CGNL1: variants seen among roughly 807,000 people sequenced by gnomAD.
CGNL1 encodes the protein cingulin like 1, also known as cingulin-like protein 1.
A neutral mutation model predicts 141.2 loss-of-function variants in CGNL1; 132 were observed. The observed-to-expected ratio is 0.93, with a 90% CI of 0.81 to 1.08. CGNL1 has a LOEUF of 1.08. Ranked by LOEUF, CGNL1 falls within the 50% of genes least tolerant of loss-of-function variation. The pLI, the probability that CGNL1 is intolerant of heterozygous loss-of-function variation, is 0.00. For missense variants in CGNL1, 1,870 were observed against 1,588.6 expected (o/e 1.18, Z -3.01); for synonymous variants, 690 against 622.1 (o/e 1.11, Z -1.63).
At chr15:57,494,390 G>A (rs2063907772) in intron 8 of CGNL1, among the ~76,000 whole-genome samples, 1 of 152,140 alleles carries the variant, frequency 6.6e-6, no homozygotes, top group Non-Finnish European at 1.5e-5. Flanking sequence ...TGGTTCTGTT[G>A]AAATCCAGGC....
At chr15:57,460,630 A>T (rs559661042) in intron 7 of CGNL1, among the ~76,000 whole-genome samples, 1 of 152,172 alleles carries the variant, frequency 6.6e-6, no homozygotes, top group Non-Finnish European at 1.5e-5. Flanking sequence ...AACAGGAGAG[A>T]GAGTGAGCAA....
At chr15:57,512,533 A>C (rs1478834013) in intron 8 of CGNL1, among the ~76,000 whole-genome samples, 1 of 152,182 alleles carries the variant, frequency 6.6e-6, no homozygotes, top group Non-Finnish European at 1.5e-5. Flanking sequence ...TAAGTGTCTC[A>C]ATACACACAA....
chr15:57,509,630 T>C (rs1389727895), intron 8 of CGNL1, among the ~76,000 whole-genome samples: 4 of 152,228 alleles, frequency 2.6e-5, no homozygotes, highest in African/African-American at 4.8e-5. Context: ...TGAACACTTC[T>C]AAATGTGGGT....
At chr15:57,510,442 TA>T (rs1279019064) in intron 8 of CGNL1, among the ~76,000 whole-genome samples, 1 of 152,170 alleles carries the variant, frequency 6.6e-6, no homozygotes, top group African/African-American at 2.4e-5. Context: ...TTTAGAAGTA[TA>T]AATGAGAATT....
intron 8 of CGNL1, among the ~76,000 whole-genome samples, chr15:57,473,642 T>A (rs2063610814): frequency 6.6e-6 from 1 of 152,146 alleles, no homozygotes; most frequent in African/African-American, 2.4e-5. Context: ...TGCTTTCTCA[T>A]GGATCTCTTG....
intron 8 of CGNL1, among the ~76,000 whole-genome samples, chr15:57,475,770 T>C (rs1273895977): frequency 6.6e-6 from 1 of 152,104 alleles, no homozygotes. Flanking sequence ...TGTGCCCTAG[T>C]GGTCTCCCTG....
rs1311945043 is a variant in CGNL1 at position 57,438,624 on chromosome 15, G to A, written c.625G>A (p.Ala209Thr). ...QPTSPSLEDP[A>T]KSGVTAIRLC... Reference sequence around the variant, plus strand: ...TACCAGTCCCTCCTTGGAAGACCCGGCCAAATCTGGTGTGACAGCTATTCG... The same window carrying A: ...TACCAGTCCCTCCTTGGAAGACCCGACCAAATCTGGTGTGACAGCTATTCG... The change falls in exon 2 of 19, where the codon GCC (alanine) becomes ACC (threonine). Residue 209 changes from alanine (A) to threonine (T), a missense_variant. Ala to Thr is a moderately conservative substitution (Grantham distance 58). Transcript: ENST00000281282. 1.9e-5 allele frequency: 30 copies of A among 1,613,788 alleles called. No individual in the cohort carries two copies. Among genetic ancestry groups the A allele is most frequent in the Non-Finnish European group, 2.5e-5 (29 of 1,180,056 alleles).
chr15:57,405,755 TTTTTCTTTC>T lies in CGNL1; in HGVS notation c.-16+29192_-16+29200del, dbSNP rs1332733354. 8.7e-3 allele frequency among the ~76,000 whole-genome samples: 1,309 copies of T among 150,426 alleles called. 9 individuals carry two copies. Among genetic ancestry groups the T allele is most frequent in the South Asian group, 0.021 (99 of 4,672 alleles). ...GACCTTTTCTTTCTTTTCCTTTTTC[TTTTTCTTTC>T]TTTCTTTCTCTTTCTTTCTTTCTTT... is the stretch of plus-strand genomic sequence containing the variant. On this transcript the variant is annotated intron_variant, in intron 1 of 18. Transcript: ENST00000281282.
intron 1 of CGNL1, among the ~76,000 whole-genome samples, chr15:57,416,970 G>A (rs1386793062): frequency 6.6e-6 from 1 of 152,162 alleles, no homozygotes; most frequent in Non-Finnish European, 1.5e-5. Context: ...TTTGGACTCA[G>A]ACAGGCCTTG....
At chr15:57,421,120 G>C (rs80168281) in intron 1 of CGNL1, among the ~76,000 whole-genome samples, 3,793 of 152,242 alleles carry the variant, frequency 0.025, 131 homozygotes, top group African/African-American at 0.084. Flanking sequence ...GAGATTATCT[G>C]TGTGCTCTTA....
rs1273285349 is a variant in CGNL1 at position 57,518,405 on chromosome 15, CAGTT to C, written c.2626_2629del (p.Leu876ArgfsTer32). The C allele has an allele frequency of 2.5e-6, 4 of 1,612,630 alleles. No individual in the cohort carries two copies. Among genetic ancestry groups the C allele is most frequent in the Non-Finnish European group, 3.4e-6 (4 of 1,179,242 alleles). Reference sequence around the variant, plus strand: ...TGTTTCATTGTAGGGAGAAATACGACAGTTAGAGGAGGCCCTTGTGCACGCCAGA... The same window carrying C: ...TGTTTCATTGTAGGGAGAAATACGACAGAGGAGGCCCTTGTGCACGCCAGA... On this transcript the variant is annotated frameshift_variant, in exon 10 of 19. Transcript: ENST00000281282. LOFTEE classifies it high-confidence loss of function.
At chr15:57,485,584 G>T (rs1385630342) in intron 8 of CGNL1, among the ~76,000 whole-genome samples, 2 of 152,182 alleles carry the variant, frequency 1.3e-5, no homozygotes, top group African/African-American at 4.8e-5. Context: ...TATGTGAAGT[G>T]TCATAGTATT....
rs533006343 is a variant in CGNL1 at position 57,396,066 on chromosome 15, A to G, written c.-16+19499A>G. ...TATTTGGCTTTTTTTACTTAGTATT[A>G]TGTTTGTGAAATTCATCCATTGATG... On this transcript the variant is annotated intron_variant, in intron 1 of 18. Coordinates refer to ENST00000281282, the MANE Select transcript of CGNL1 (RefSeq NM_032866.5). Among the ~76,000 whole-genome samples, 10 of 152,248 alleles carry G rather than the reference A, an allele frequency of 6.6e-5. No individual in the cohort carries two copies. The South Asian group carries it at 2.1e-3, about 32-fold the overall frequency.
intron 8 of CGNL1, among the ~76,000 whole-genome samples, chr15:57,471,659 A>G (rs1315655861): frequency 6.6e-6 from 1 of 152,114 alleles, no homozygotes; most frequent in Non-Finnish European, 1.5e-5. Flanking sequence ...TCACCGATGG[A>G]GTGAGGAGGG....
intron 1 of CGNL1, among the ~76,000 whole-genome samples, chr15:57,377,667 A>C (rs1377754301): frequency 5.9e-5 from 9 of 151,892 alleles, no homozygotes; most frequent in African/African-American, 2.2e-4. Context: ...CTTTGTTTCT[A>C]CCTCTCTGTT....
At chr15:57,490,581 A>G (rs2063845947) in intron 8 of CGNL1, among the ~76,000 whole-genome samples, 1 of 152,212 alleles carries the variant, frequency 6.6e-6, no homozygotes, top group African/African-American at 2.4e-5. Flanking sequence ...AAGTAAATGA[A>G]TACATAAATG....
intron 4 of CGNL1, among the ~76,000 whole-genome samples, chr15:57,447,832 G>A (rs1595714614): frequency 7.2e-6 from 1 of 139,048 alleles, no homozygotes; most frequent in East Asian, 2.1e-4. Flanking sequence ...GTGTGTGTGT[G>A]TGTGTGTGTG....
chr15:57,471,930 G>T (rs1486298532), intron 8 of CGNL1, among the ~76,000 whole-genome samples: 1 of 152,116 alleles, frequency 6.6e-6, no homozygotes, highest in East Asian at 1.9e-4. Context: ...ACGTTATTCA[G>T]ATAATCACAT....
intron 7 of CGNL1, among the ~76,000 whole-genome samples, chr15:57,461,344 C>T (rs1387996827): frequency 6.6e-6 from 1 of 152,152 alleles, no homozygotes; most frequent in African/African-American, 2.4e-5. Flanking sequence ...AGGGCAAGAG[C>T]AAGGGCAACA....
Sources: allele counts gnomAD v4.1 joint callset (sites outside exome capture counted in the v4.1 genomes callset), GRCh38; gene constraint gnomAD v4.1.1; transcripts MANE v1.5; gene names NCBI Gene and HGNC (gene_info 2026-07-23, HGNC 2026-07-21).